Variants in KHDRBS2 observed in about 807,000 individuals in gnomAD.
KHDRBS2 encodes KH RNA binding domain containing, signal transduction associated 2.
KHDRBS2 carries 26 observed loss-of-function variants against 44.3 expected under a neutral mutation model. The ratio of observed to expected loss-of-function variants is 0.59; its 90% CI spans 0.43 to 0.81. The LOEUF (loss-of-function observed/expected upper bound fraction) is 0.81. Among genes scored for constraint, KHDRBS2 ranks in the 40% least tolerant of loss-of-function variants. The pLI is 0.00. For synonymous variants in KHDRBS2, 194 were observed against 151.1 expected, an observed-to-expected ratio of 1.28 and a Z score of -2.08; for missense variants, 476 against 433.1, an observed-to-expected ratio of 1.10 and a Z score of -0.88.
At chr6:62,051,547 A>G (rs528900817) in intron 2 of KHDRBS2, among the ~76,000 whole-genome samples, 3 of 152,122 alleles carry the variant, frequency 2.0e-5, no homozygotes, top group South Asian at 2.1e-4. Context: ...GAGAAAACAT[A>G]GGTTCAAAAC....
At chr6:61,954,195 G>A (rs532106184) in intron 4 of KHDRBS2, among the ~76,000 whole-genome samples, 2 of 151,998 alleles carry the variant, frequency 1.3e-5, no homozygotes, top group Admixed American at 1.3e-4. Flanking sequence ...GGACTGTCTT[G>A]GTTTTTTCTA....
At chr6:61,655,342 C>CCTA in the KHDRBS2 span, among the ~76,000 whole-genome samples, 1 of 151,922 alleles carries the variant, frequency 6.6e-6, no homozygotes, top group Non-Finnish European at 1.5e-5. Flanking sequence ...GCAACCTCCA[C>CCTA]CTACTAGTTT....
intron 3 of KHDRBS2, among the ~76,000 whole-genome samples, chr6:62,015,405 A>C (rs1290960929): frequency 1.3e-5 from 2 of 152,152 alleles, no homozygotes; most frequent in Non-Finnish European, 2.9e-5. Context: ...AAAGTGGTGG[A>C]GATGCAGGTG....
the KHDRBS2 span, among the ~76,000 whole-genome samples, chr6:61,600,050 T>A: frequency 6.6e-6 from 1 of 152,232 alleles, no homozygotes; most frequent in Non-Finnish European, 1.5e-5. Context: ...AAGGCTAGTC[T>A]GCATAAATGC....
intron 3 of KHDRBS2, among the ~76,000 whole-genome samples, chr6:62,030,386 T>C (rs1002295851): frequency 3.3e-5 from 5 of 152,006 alleles, no homozygotes; most frequent in African/African-American, 2.4e-5. Flanking sequence ...TACATGAAAA[T>C]ATTAGACATT....
the KHDRBS2 span, among the ~76,000 whole-genome samples, chr6:61,633,728 G>A: frequency 6.6e-6 from 1 of 151,912 alleles, no homozygotes; most frequent in African/African-American, 2.4e-5. Context: ...ATATAAGAAT[G>A]AGCAAACAAA....
At chr6:62,227,243 T>G (rs567884822) in intron 1 of KHDRBS2, among the ~76,000 whole-genome samples, 1 of 152,304 alleles carries the variant, frequency 6.6e-6, no homozygotes, top group South Asian at 2.1e-4. Flanking sequence ...TTCACATCCC[T>G]GGTTAGCTGT....
rs192310898 is a variant in KHDRBS2, at chr6:61,897,313, T to C, written c.612-2480A>G. Reference sequence around the variant, plus strand: ...TTAAATGAATACTCCAATTTAAGCATCTTGACAAGCTTGTCATGTGGGCAG... The same window carrying C: ...TTAAATGAATACTCCAATTTAAGCACCTTGACAAGCTTGTCATGTGGGCAG... On this transcript the variant is annotated intron_variant, in intron 5 of 8. Transcript: ENST00000281156. Among the ~76,000 whole-genome samples, 80 of 152,270 alleles carry C rather than the reference T, an allele frequency of 5.3e-4. No homozygotes were observed. In the Middle Eastern group the frequency reaches 0.01, roughly 19 times the overall value.
At chr6:61,935,989 ATCTT>A (rs1299591576) in intron 4 of KHDRBS2, among the ~76,000 whole-genome samples, 2 of 152,062 alleles carry the variant, frequency 1.3e-5, no homozygotes, top group African/African-American at 4.8e-5. Flanking sequence ...TTGAATGTCC[ATCTT>A]TCTAATTCAT....
intron 3 of KHDRBS2, among the ~76,000 whole-genome samples, chr6:61,996,640 CATT>C (rs1203260495): frequency 6.6e-6 from 1 of 152,162 alleles, no homozygotes; most frequent in African/African-American, 2.4e-5. Context: ...GATTTATCAT[CATT>C]TTCTCTAAAT....
chr6:61,915,617 C>T (rs1442245712), intron 4 of KHDRBS2, among the ~76,000 whole-genome samples: 2 of 151,994 alleles, frequency 1.3e-5, no homozygotes, highest in African/African-American at 4.8e-5. Context: ...ATTTGCTTTC[C>T]ATGCCATCTC....
At chr6:62,107,653 A>T (rs1290072684) in intron 2 of KHDRBS2, among the ~76,000 whole-genome samples, 2 of 152,358 alleles carry the variant, frequency 1.3e-5, no homozygotes, top group Non-Finnish European at 2.9e-5. Flanking sequence ...CTAAGCTAAA[A>T]GAACAAAGCT....
intron 2 of KHDRBS2, among the ~76,000 whole-genome samples, chr6:62,109,778 A>C (rs1804569965): frequency 6.6e-6 from 1 of 151,752 alleles, no homozygotes; most frequent in Non-Finnish European, 1.5e-5. Flanking sequence ...GGAAGATAAC[A>C]AGGAAGAAAG....
intron 7 of KHDRBS2, among the ~76,000 whole-genome samples, chr6:61,719,687 G>T (rs920276523): frequency 6.6e-6 from 1 of 151,910 alleles, no homozygotes; most frequent in Non-Finnish European, 1.5e-5. Flanking sequence ...AAAAGATGAT[G>T]GTCAGAGACA....
At chr6:61,914,248 A>C (rs2127353644) in intron 4 of KHDRBS2, among the ~76,000 whole-genome samples, 1 of 152,178 alleles carries the variant, frequency 6.6e-6, no homozygotes, top group East Asian at 1.9e-4. Flanking sequence ...ATAATGAAAA[A>C]AAAATGAACT....
chr6:61,603,466 A>T, the KHDRBS2 span, among the ~76,000 whole-genome samples: 1 of 152,186 alleles, frequency 6.6e-6, no homozygotes, highest in Non-Finnish European at 1.5e-5. Context: ...TATTGCTGCA[A>T]GGCTTCACAG....
chr6:61,976,139 T>C (rs1772599768), intron 4 of KHDRBS2, among the ~76,000 whole-genome samples: 1 of 152,122 alleles, frequency 6.6e-6, no homozygotes. Flanking sequence ...GACTGTGGGG[T>C]ATTAGCCCCC....
intron 8 of KHDRBS2, among the ~76,000 whole-genome samples, chr6:61,695,832 TC>T (rs1767844050): frequency 6.6e-6 from 1 of 152,150 alleles, no homozygotes; most frequent in African/African-American, 2.4e-5. Flanking sequence ...AAGATACTCT[TC>T]TTCCTTTCCT....
chr6:61,850,624 AT>A (rs1170585629), intron 6 of KHDRBS2, among the ~76,000 whole-genome samples: 1 of 152,222 alleles, frequency 6.6e-6, no homozygotes, highest in Non-Finnish European at 1.5e-5. Context: ...TTGACACAAA[AT>A]TTATGTAAAA....
Sources: allele counts gnomAD v4.1 joint callset (sites outside exome capture counted in the v4.1 genomes callset), GRCh38; gene constraint gnomAD v4.1.1; transcripts MANE v1.5; gene names NCBI Gene and HGNC (gene_info 2026-07-23, HGNC 2026-07-21).